CAMTA1: variants seen among roughly 807,000 people sequenced by gnomAD.
CAMTA1 encodes calmodulin-binding transcription activator 1.
A neutral mutation model predicts 170.9 loss-of-function variants in CAMTA1; 27 were observed. That is an observed-to-expected ratio of 0.16 (90% CI 0.12 to 0.22). The LOEUF (loss-of-function observed/expected upper bound fraction) is 0.22, where lower values mean the gene tolerates loss of function less well. Ranked by LOEUF, CAMTA1 falls within the 10% of genes least tolerant of loss-of-function variation. The pLI, the probability that CAMTA1 is intolerant of heterozygous loss-of-function variation, is 1.00. For synonymous variants in CAMTA1, 833 were observed against 891.5 expected (o/e 0.93, Z 1.17); for missense variants, 1,619 against 2,217.2 (o/e 0.73, Z 5.42).
chr1:7,542,187 A>T (rs984366125), intron 6 of CAMTA1, among the ~76,000 whole-genome samples: 2 of 152,208 alleles, frequency 1.3e-5, no homozygotes, highest in African/African-American at 4.8e-5. Flanking sequence ...TACTAAAAGG[A>T]TAATAAAAAC....
intron 11 of CAMTA1, among the ~76,000 whole-genome samples, chr1:7,718,125 G>C (rs2096624666): frequency 6.6e-6 from 1 of 152,054 alleles, no homozygotes; most frequent in East Asian, 1.9e-4. Context: ...AGTCCCGGTG[G>C]CTAACAACTT....
chr1:7,062,151 C>T (rs1021739732), intron 3 of CAMTA1, among the ~76,000 whole-genome samples: 58 of 152,224 alleles, frequency 3.8e-4, no homozygotes, highest in African/African-American at 1.4e-3. Context: ...CTCCTGACCT[C>T]AGGCGATCCA....
At chr1:7,043,495 G>A (rs1704820003) in intron 3 of CAMTA1, among the ~76,000 whole-genome samples, 1 of 152,212 alleles carries the variant, frequency 6.6e-6, no homozygotes, top group African/African-American at 2.4e-5. Flanking sequence ...CACAGGGCTT[G>A]TTTTCCAGCT....
At chr1:7,193,494 G>A (rs1439784700) in intron 4 of CAMTA1, among the ~76,000 whole-genome samples, 1 of 151,832 alleles carries the variant, frequency 6.6e-6, no homozygotes, top group Admixed American at 6.6e-5. Context: ...GATGACAGCA[G>A]ATAAGTGCCA....
chr1:7,172,262 G>A (rs956431098), intron 4 of CAMTA1, among the ~76,000 whole-genome samples: 4 of 152,038 alleles, frequency 2.6e-5, no homozygotes, highest in Non-Finnish European at 5.9e-5. Context: ...CGATTCTCCT[G>A]CCTCAGCCTC....
rs1576139896 is a variant in CAMTA1 at position 7,570,391 on chromosome 1, T to C, written c.511-70009T>C. Reference sequence around the variant, plus strand: ...GAACTTATTGCTTAAGCTGGAAGGGTGGAGGGAGGAAGCACGGGGAGGAGG... The same window carrying C: ...GAACTTATTGCTTAAGCTGGAAGGGCGGAGGGAGGAAGCACGGGGAGGAGG... On this transcript the variant is annotated intron_variant, in intron 6 of 22. Transcript: ENST00000303635. The surrounding 1 kb of genome is among the most constrained non-coding windows in gnomAD (Gnocchi z 4.3). Among the ~76,000 whole-genome samples, 1 of 151,546 alleles carries C rather than the reference T, an allele frequency of 6.6e-6. No homozygotes were observed. The highest frequency in any genetic ancestry group is 2.1e-4 in the South Asian group (1 of 4,788).
intron 11 of CAMTA1, among the ~76,000 whole-genome samples, chr1:7,697,352 C>T (rs764809224): frequency 6.6e-6 from 1 of 152,174 alleles, no homozygotes; most frequent in Non-Finnish European, 1.5e-5. Flanking sequence ...ATTCTATTGA[C>T]GAGGAGCCTG....
chr1:7,724,316 T>C (rs2096668860), intron 11 of CAMTA1, among the ~76,000 whole-genome samples: 1 of 152,252 alleles, frequency 6.6e-6, no homozygotes, highest in Non-Finnish European at 1.5e-5. Flanking sequence ...ATACCAATAC[T>C]AGTTTCTTAG....
At chr1:7,409,760 A>T (rs2090575360) in intron 5 of CAMTA1, among the ~76,000 whole-genome samples, 1 of 152,246 alleles carries the variant, frequency 6.6e-6, no homozygotes. Context: ...AATGCAAAAT[A>T]AATTAATTTT....
At chr1:6,849,396 A>G (rs1659539608) in intron 3 of CAMTA1, among the ~76,000 whole-genome samples, 2 of 152,092 alleles carry the variant, frequency 1.3e-5, no homozygotes. Flanking sequence ...ATGAGAGAAG[A>G]AAGAGCTTCC....
chr1:7,671,678 G>C (rs543058725), intron 10 of CAMTA1, among the ~76,000 whole-genome samples: 1 of 152,308 alleles, frequency 6.6e-6, no homozygotes, highest in South Asian at 2.1e-4. Flanking sequence ...CATATAATTT[G>C]CTTCCAATTT....
At position 7,663,600 on chromosome 1, in the gene CAMTA1, C is replaced by A; in HGVS notation, c.1053C>A (p.Val351=). Residue 351 remains valine, a synonymous_variant, in exon 9 of 23, where the codon GTC becomes GTA. Coordinates refer to ENST00000303635, the MANE Select transcript of CAMTA1 (RefSeq NM_015215.4). ...TCTCCTCCACCAACCAGGTGGAAGT[C>A]CCCGACACCACCCAGAGCTCCCCTG... is the stretch of plus-strand genomic sequence containing the variant. The part of the protein sequence containing the change: ...TEVSSTNQVE[V]PDTTQSSPVS... 2 of 1,614,094 alleles carry A rather than the reference C, an allele frequency of 1.2e-6. No homozygotes were observed. Among genetic ancestry groups the A allele is most frequent in the Non-Finnish European group, 1.7e-6 (2 of 1,180,014 alleles).
chr1:7,046,579 A>C (rs1265647626), intron 3 of CAMTA1, among the ~76,000 whole-genome samples: 1 of 152,146 alleles, frequency 6.6e-6, no homozygotes. Flanking sequence ...CTTAGTGCCT[A>C]ACTCTGCTGG....
At chr1:7,273,104 G>A (rs746107745) in intron 5 of CAMTA1, among the ~76,000 whole-genome samples, 3 of 152,184 alleles carry the variant, frequency 2.0e-5, no homozygotes, top group Non-Finnish European at 2.9e-5. Context: ...ATAATAGTAA[G>A]TGTTCACACA....
At chr1:7,646,120 T>A (rs953901313) in intron 7 of CAMTA1, among the ~76,000 whole-genome samples, 1 of 124,952 alleles carries the variant, frequency 8.0e-6, no homozygotes, top group African/African-American at 3.1e-5. Context: ...CTGGTAAGTG[T>A]GAGCGGAGGC....
At chr1:7,515,694 C>A (rs1195679385) in intron 6 of CAMTA1, among the ~76,000 whole-genome samples, 4 of 152,142 alleles carry the variant, frequency 2.6e-5, no homozygotes, top group African/African-American at 9.7e-5. Context: ...CCACCAGGCT[C>A]CCAAGTTCCC....
Position 7,467,920 on chromosome 1 carries a change from ATTC to A in CAMTA1, c.510+27_510+29del, listed in dbSNP as rs749274140. 1.6e-5 allele frequency: 25 copies of A among 1,604,866 alleles called. No homozygotes were observed. The highest frequency in any genetic ancestry group is 1.9e-5 in the Non-Finnish European group (22 of 1,171,834). On this transcript the variant is annotated intron_variant, in intron 6 of 22. Transcript: ENST00000303635. ...CCTTCAGGTAGGTGGCTGGGACTGG[ATTC>A]TTCTTCTGTCTCTGGTGCTCGGGAA...
chr1:7,684,297 A>T (rs1363369558), intron 11 of CAMTA1, among the ~76,000 whole-genome samples: 1 of 152,244 alleles, frequency 6.6e-6, no homozygotes, highest in African/African-American at 2.4e-5. Flanking sequence ...CCTGCGGGCC[A>T]GATGGCTCCT....
chr1:7,753,257 G>A (rs928334870), intron 21 of CAMTA1, among the ~76,000 whole-genome samples: 1 of 152,216 alleles, frequency 6.6e-6, no homozygotes, highest in African/African-American at 2.4e-5. Flanking sequence ...TCTTTATGAA[G>A]ACTAGCGTCT....
Sources: gnomAD v4.1 joint callset for allele counts (sites outside exome capture counted in the v4.1 genomes callset) on GRCh38, gnomAD v4.1.1 for gene constraint, Gnocchi (gnomAD v3.1) non-coding constraint, MANE v1.5 for transcripts, NCBI Gene and HGNC (gene_info 2026-07-23, HGNC 2026-07-21) for gene names.